The following DUSP13B variants were observed in gnomAD, a reference collection of about 807,000 sequenced individuals.
DUSP13B encodes the protein dual specificity phosphatase 13B, also known as dual specificity protein phosphatase 13B.
chr10:75,098,143 G>T, the DUSP13B span, among the ~76,000 whole-genome samples: 4 of 152,372 alleles, frequency 2.6e-5, no homozygotes, highest in Non-Finnish European at 5.9e-5. Context: ...AGCTGCAGAT[G>T]TATGAAGCTT....
At chr10:75,097,762 G>A in the DUSP13B span, 1 of 1,613,782 alleles carries the variant, frequency 6.2e-7, no homozygotes, top group Admixed American at 1.7e-5. Flanking sequence ...GGTTCAGTGT[G>A]GCAGCCTGAC....
chr10:75,107,589 C>T, the DUSP13B span, among the ~76,000 whole-genome samples: 8 of 150,406 alleles, frequency 5.3e-5, no homozygotes, highest in South Asian at 4.2e-4. Flanking sequence ...TTTTTTTTGG[C>T]GGGGGGGGAT....
the DUSP13B span, among the ~76,000 whole-genome samples, chr10:75,097,216 T>C: frequency 6.6e-6 from 1 of 152,156 alleles, no homozygotes; most frequent in Admixed American, 6.6e-5. Flanking sequence ...CCTTTTTTTT[T>C]TCTTTCTTTG....
chr10:75,099,052 T>A, the DUSP13B span: 2 of 1,232,270 alleles, frequency 1.6e-6, no homozygotes, highest in East Asian at 3.2e-5. Flanking sequence ...AGGCCAGCAC[T>A]GGATGTCAGG....
At chr10:75,108,264 A>T in the DUSP13B span, 3 of 1,537,038 alleles carry the variant, frequency 2.0e-6, no homozygotes, top group African/African-American at 1.4e-5. Flanking sequence ...ACCAGGAGGG[A>T]GGCTGTGCCT....
At chr10:75,103,619 C>T in the DUSP13B span, among the ~76,000 whole-genome samples, 1 of 152,206 alleles carries the variant, frequency 6.6e-6, no homozygotes, top group Non-Finnish European at 1.5e-5. Flanking sequence ...TACTACTCCC[C>T]GCTTGCACTC....
the DUSP13B span, chr10:75,099,181 G>T: frequency 8.1e-7 from 1 of 1,227,472 alleles, no homozygotes; most frequent in Non-Finnish European, 1.0e-6. Flanking sequence ...TGGAGAGGGG[G>T]TCCTGTCTTT....
At chr10:75,094,931 C>G in the DUSP13B span, 148 of 1,548,608 alleles carry the variant, frequency 9.6e-5, no homozygotes, top group African/African-American at 1.8e-3. Flanking sequence ...CCACCCACCC[C>G]TTTGGGAAGA....
At chr10:75,108,345 G>A in the DUSP13B span, 2 of 1,422,136 alleles carry the variant, frequency 1.4e-6, no homozygotes, top group South Asian at 2.9e-5. Context: ...CTCCAAGTGG[G>A]GTCTGACTCC....
At chr10:75,099,890 C>T in the DUSP13B span, among the ~76,000 whole-genome samples, 1 of 152,148 alleles carries the variant, frequency 6.6e-6, no homozygotes, top group Non-Finnish European at 1.5e-5. Flanking sequence ...CTCTGGGGGT[C>T]TGACCCGAGA....
the DUSP13B span, chr10:75,108,026 A>T: frequency 3.1e-6 from 5 of 1,613,588 alleles, no homozygotes; most frequent in Non-Finnish European, 3.4e-6. Flanking sequence ...GGATGAAGTC[A>T]GCCGCAGAGG....
chr10:75,101,980 T>C, the DUSP13B span: 4 of 1,365,276 alleles, frequency 2.9e-6, no homozygotes, highest in East Asian at 1.4e-4. Context: ...TGATTTGAGT[T>C]TAATTATAAA....
chr10:75,106,480 A>G, the DUSP13B span, among the ~76,000 whole-genome samples: 6 of 152,114 alleles, frequency 3.9e-5, no homozygotes, highest in Non-Finnish European at 7.4e-5. Context: ...GGCTTCCTCC[A>G]CAGGCTTTCT....
chr10:75,106,082 TTTTTC>T, the DUSP13B span, among the ~76,000 whole-genome samples: 1 of 149,422 alleles, frequency 6.7e-6, no homozygotes, highest in East Asian at 2.0e-4. Flanking sequence ...CCGAATTTCT[TTTTTC>T]TTTTCTTTCT....
the DUSP13B span, among the ~76,000 whole-genome samples, chr10:75,104,485 A>C: frequency 2.6e-5 from 4 of 152,126 alleles, no homozygotes; most frequent in African/African-American, 7.2e-5. Flanking sequence ...GATGGGAAAG[A>C]TGCTGAGGTC....
chr10:75,105,779 G>A, the DUSP13B span: 48 of 1,551,292 alleles, frequency 3.1e-5, no homozygotes, highest in African/African-American at 1.1e-4. Flanking sequence ...ACCGCCTGGC[G>A]CAGGGACAGC....
At chr10:75,096,332 T>A in the DUSP13B span, among the ~76,000 whole-genome samples, 3 of 151,994 alleles carry the variant, frequency 2.0e-5, no homozygotes, top group African/African-American at 4.8e-5. Context: ...ATCCCAACAC[T>A]TTGGGAGACT....
chr10:75,096,738 C>G, the DUSP13B span, among the ~76,000 whole-genome samples: 2 of 151,990 alleles, frequency 1.3e-5, no homozygotes, highest in Non-Finnish European at 2.9e-5. Context: ...AGAGAGAGAC[C>G]TTGTCTCTAA....
the DUSP13B span, chr10:75,098,947 G>C: frequency 8.1e-7 from 1 of 1,227,958 alleles, no homozygotes; most frequent in Non-Finnish European, 1.0e-6. Context: ...CCAGAGAGTG[G>C]TCACTAACCC....
Sources: allele counts gnomAD v4.1 joint callset (sites outside exome capture counted in the v4.1 genomes callset), GRCh38; gene constraint gnomAD v4.1.1; transcripts MANE v1.5; gene names NCBI Gene and HGNC (gene_info 2026-07-23, HGNC 2026-07-21).